Variants in CCSER1 observed in about 807,000 individuals in gnomAD.
CCSER1 encodes the protein serine-rich coiled-coil domain-containing protein 1.
Under a neutral mutation model 82.0 loss-of-function variants are expected in CCSER1, and 41 were observed. The observed-to-expected ratio is 0.50, with a 90% CI of 0.39 to 0.65. The LOEUF is 0.65. Among genes scored for constraint, CCSER1 ranks in the 30% least tolerant of loss-of-function variants. CCSER1 has a pLI of 0.00. For synonymous variants in CCSER1, 414 were observed against 383.9 expected (o/e 1.08, Z -0.92); for missense variants, 1,119 against 1,064.2 (o/e 1.05, Z -0.72).
At chr4:90,296,417 A>G (rs1003713532) in intron 1 of CCSER1, among the ~76,000 whole-genome samples, 2 of 152,084 alleles carry the variant, frequency 1.3e-5, no homozygotes, top group Admixed American at 1.3e-4. Flanking sequence ...AGTAGGATGC[A>G]AAAATTTTCT....
chr4:90,708,346 C>T (rs1739798452), intron 6 of CCSER1, among the ~76,000 whole-genome samples: 1 of 152,186 alleles, frequency 6.6e-6, no homozygotes, highest in South Asian at 2.1e-4. Flanking sequence ...CACACGTTCT[C>T]TGCATGTGAT....
chr4:90,502,669 G>GA (rs1212311687), intron 5 of CCSER1, among the ~76,000 whole-genome samples: 4 of 150,646 alleles, frequency 2.7e-5, no homozygotes, highest in Admixed American at 1.3e-4. Flanking sequence ...TTTTCTCAAG[G>GA]AAAAAAAACA....
intron 9 of CCSER1, among the ~76,000 whole-genome samples, chr4:91,065,257 A>G (rs1373099462): frequency 6.6e-6 from 1 of 152,146 alleles, no homozygotes. Flanking sequence ...TTTCAATGAC[A>G]AAGGTGGTAC....
chr4:90,947,355 G>A (rs1409712605), intron 9 of CCSER1, among the ~76,000 whole-genome samples: 1 of 152,130 alleles, frequency 6.6e-6, no homozygotes, highest in Non-Finnish European at 1.5e-5. Flanking sequence ...TCAGAAAAAT[G>A]TAATTAAATT....
chr4:91,116,547 T>C (rs1726621079), intron 10 of CCSER1, among the ~76,000 whole-genome samples: 1 of 152,246 alleles, frequency 6.6e-6, no homozygotes, highest in Admixed American at 6.5e-5. Flanking sequence ...AGTTGTGGTA[T>C]CTACTTCATA....
rs79976489 is a variant in CCSER1 at position 90,314,497 on chromosome 4, T to G, written c.1509+1450T>G. Among the ~76,000 whole-genome samples, 126 of 152,252 alleles carry G rather than the reference T, an allele frequency of 8.3e-4. 2 individuals carry two copies. The East Asian group carries it at 0.023, about 28-fold the overall frequency. On this transcript the variant is annotated intron_variant, in intron 3 of 10. Coordinates refer to ENST00000509176, the MANE Select transcript of CCSER1 (RefSeq NM_001145065.2). Reference sequence around the variant, plus strand: ...TGCTCAAAGTTGTGCCTTTTACATATTCTCTCATATCTCATGTGTTTTTCA... The same window carrying G: ...TGCTCAAAGTTGTGCCTTTTACATAGTCTCTCATATCTCATGTGTTTTTCA...
At chr4:90,961,129 T>G (rs1466273913) in intron 9 of CCSER1, among the ~76,000 whole-genome samples, 3 of 152,202 alleles carry the variant, frequency 2.0e-5, no homozygotes, top group Non-Finnish European at 2.9e-5. Flanking sequence ...TACTTTATCC[T>G]GTTCTTTGTG....
intron 6 of CCSER1, among the ~76,000 whole-genome samples, chr4:90,637,796 G>C (rs1725701276): frequency 6.6e-6 from 1 of 151,938 alleles, no homozygotes; most frequent in Admixed American, 6.6e-5. Flanking sequence ...CTAACCTCTG[G>C]GCAATTCTTT....
intron 10 of CCSER1, among the ~76,000 whole-genome samples, chr4:91,181,021 T>C (rs1733973734): frequency 6.6e-6 from 1 of 152,176 alleles, no homozygotes; most frequent in Admixed American, 6.5e-5. Flanking sequence ...TGACTTTAAG[T>C]GGTTTTCCGC....
At chr4:90,822,588 C>T (rs894904058) in intron 8 of CCSER1, among the ~76,000 whole-genome samples, 3 of 151,854 alleles carry the variant, frequency 2.0e-5, no homozygotes, top group Non-Finnish European at 2.9e-5. Flanking sequence ...ATTAGCTGGG[C>T]GTGGTGGCGG....
chr4:91,431,543 C>T (rs377640017), intron 10 of CCSER1, among the ~76,000 whole-genome samples: 6 of 152,032 alleles, frequency 3.9e-5, no homozygotes, highest in African/African-American at 1.2e-4. Context: ...TCTTGGCTCA[C>T]GGCAACCTCT....
intron 6 of CCSER1, among the ~76,000 whole-genome samples, chr4:90,675,503 A>G (rs1369845465): frequency 1.3e-5 from 2 of 151,986 alleles, no homozygotes; most frequent in African/African-American, 2.4e-5. Context: ...GTTGAACTCA[A>G]TTTTATGATT....
In CCSER1 at chr4:90,650,622, T is replaced by C. The variant is rs187477057; in HGVS notation, c.1932+22390T>C. 3.3e-5 allele frequency among the ~76,000 whole-genome samples: 5 copies of C among 152,324 alleles called. No individual in the cohort carries two copies. In the East Asian group the frequency reaches 7.7e-4, roughly 24 times the overall value. On this transcript the variant is annotated intron_variant, in intron 6 of 10. Coordinates refer to ENST00000509176, the MANE Select transcript of CCSER1 (RefSeq NM_001145065.2). The stretch of plus-strand genomic sequence containing the variant: ...TACTCTTTAATATGTTACCCCACTT[T>C]ACACTCAGCATGCTTATAAATAGTG...
At chr4:90,450,901 A>G (rs1345544972) in intron 4 of CCSER1, among the ~76,000 whole-genome samples, 3 of 152,178 alleles carry the variant, frequency 2.0e-5, no homozygotes, top group Non-Finnish European at 4.4e-5. Flanking sequence ...TTTTCAGTCT[A>G]GCAAGAAATC....
At chr4:90,644,786 A>G (rs1727200939) in intron 6 of CCSER1, among the ~76,000 whole-genome samples, 1 of 151,980 alleles carries the variant, frequency 6.6e-6, no homozygotes, top group South Asian at 2.1e-4. Context: ...TGTCCCTTCA[A>G]AGGACATGAT....
chr4:90,547,822 C>G (rs1211020171), intron 5 of CCSER1, among the ~76,000 whole-genome samples: 1 of 152,042 alleles, frequency 6.6e-6, no homozygotes, highest in Non-Finnish European at 1.5e-5. Context: ...AAATTGACTT[C>G]AATTCAGAGG....
chr4:91,425,373 T>A (rs989397769), intron 10 of CCSER1, among the ~76,000 whole-genome samples: 1 of 152,132 alleles, frequency 6.6e-6, no homozygotes, highest in African/African-American at 2.4e-5. Flanking sequence ...ACAAATCAAA[T>A]CTGTCGACAT....
chr4:90,172,056 A>G (rs959588980), intron 1 of CCSER1, among the ~76,000 whole-genome samples: 1 of 151,902 alleles, frequency 6.6e-6, no homozygotes, highest in Non-Finnish European at 1.5e-5. Flanking sequence ...TGGGAAGTGT[A>G]AGAGTTGGAA....
At chr4:91,350,089 A>G (rs1429828205) in intron 10 of CCSER1, among the ~76,000 whole-genome samples, 6 of 152,176 alleles carry the variant, frequency 3.9e-5, no homozygotes, top group African/African-American at 1.4e-4. Flanking sequence ...TACATGCCAT[A>G]TTGGAAACTG....
Sources: allele counts gnomAD v4.1 joint callset (sites outside exome capture counted in the v4.1 genomes callset), GRCh38; gene constraint gnomAD v4.1.1; transcripts MANE v1.5; gene names NCBI Gene and HGNC (gene_info 2026-07-23, HGNC 2026-07-21).